STEAP2: variants seen among roughly 807,000 people sequenced by gnomAD.
STEAP2 encodes the protein STEAP2 metalloreductase, also known as metalloreductase STEAP2.
A neutral mutation model predicts 46.4 loss-of-function variants in STEAP2; 30 were observed. The ratio of observed to expected loss-of-function variants is 0.65; its 90% CI spans 0.48 to 0.88. The LOEUF is 0.88. Among genes scored for constraint, STEAP2 ranks in the 40% least tolerant of loss-of-function variants. The pLI is 0.00. For synonymous variants in STEAP2, 180 were observed against 200.5 expected (o/e 0.90, Z 0.86); for missense variants, 513 against 579.3 (o/e 0.89, Z 1.18).
Position 90,232,436 on chromosome 7 carries a change from C to G in STEAP2, c.1285C>G (p.Pro429Ala). Residue 429 changes from proline to alanine, a missense_variant, in exon 6 of 6, where the codon CCA becomes GCA. Transcript: ENST00000394621. ...GGAAGAGTACTACAGATTTTATACA[C>G]CACCAAACTTTGTTCTTGCTCTTGT... ...FEEEYYRFYTPPNFVLALVLP... is the reference protein window; with the variant it reads ...FEEEYYRFYTAPNFVLALVLP... 6.2e-7 allele frequency: 1 copy of G among 1,613,730 alleles called. No homozygotes were observed. Among genetic ancestry groups the G allele is most frequent in the Non-Finnish European group, 8.5e-7 (1 of 1,179,740 alleles).
downstream of STEAP2, among the ~76,000 whole-genome samples, chr7:90,240,291 AAAATT>A (rs936907667): frequency 7.9e-5 from 12 of 152,258 alleles, no homozygotes; most frequent in Non-Finnish European, 1.3e-4. This position sits in a 1 kb window ranked among gnomAD's most constrained non-coding sequence, Gnocchi z 4.1. Context: ...AAAAAAAAAA[AAAATT>A]AAGTATAATA....
Position 90,230,032 on chromosome 7 carries a change from T to C in STEAP2, c.1181T>C (p.Ile394Thr). Reference sequence around the variant, plus strand: ...TTAAACTGGAGAGAATTCAGTTTTATTCAGGTATGTGGGGTTTTGTTTGGT... The same window carrying C: ...TTAAACTGGAGAGAATTCAGTTTTACTCAGGTATGTGGGGTTTTGTTTGGT... ...NALNWREFSF[I>T]QSTLGYVALL... Residue 394 changes from isoleucine to threonine, a missense_variant, in exon 5 of 6, where the codon ATT becomes ACT. Ile to Thr is a moderately conservative substitution (Grantham distance 89, BLOSUM62 -1). Coordinates refer to ENST00000394621, the MANE Select transcript of STEAP2 (RefSeq NM_001244944.2). 1 of 1,612,610 alleles carries C rather than the reference T, an allele frequency of 6.2e-7. No individual in the cohort carries two copies. The highest frequency in any genetic ancestry group is 8.5e-7 in the Non-Finnish European group (1 of 1,179,162).
chr7:90,240,612 AAGTC>A (rs1227073014), downstream of STEAP2, among the ~76,000 whole-genome samples: 10 of 152,276 alleles, frequency 6.6e-5, no homozygotes, highest in African/African-American at 1.4e-4. This position sits in a 1 kb window ranked among gnomAD's most constrained non-coding sequence, Gnocchi z 4.1. Context: ...AAACAAGAAA[AAGTC>A]AGAAGGAAAA....
chr7:90,225,620 T>G (rs1405153063), intron 3 of STEAP2, 46 bp downstream of exon 3: 1 of 1,508,870 alleles, frequency 6.6e-7, no homozygotes, highest in Non-Finnish European at 8.8e-7. Context: ...TATTTTGTAG[T>G]TAAACAACTA....
intron 5 of STEAP2, 52 bp from the exon 6 acceptor site, chr7:90,232,285 C>G: frequency 6.8e-7 from 1 of 1,477,266 alleles, no homozygotes; most frequent in Non-Finnish European, 9.0e-7. Context: ...TTATGAGTTT[C>G]AGTCATTTGT....
Position 90,225,230 on chromosome 7 carries a change from A to G in STEAP2, c.148A>G (p.Ile50Val). 6.2e-7 allele frequency: 1 copy of G among 1,614,068 alleles called. No homozygotes were observed. Among genetic ancestry groups the G allele is most frequent in the Non-Finnish European group, 8.5e-7 (1 of 1,179,976 alleles). The change falls in exon 3 of 6, where the codon ATT (isoleucine) becomes GTT (valine). Residue 50 changes from isoleucine (I) to valine (V), a missense_variant. Transcript: ENST00000394621. ...TGCCAAATCCTTGACCATTCGACTT[A>G]TTAGATGCGGCTATCATGTGGTCAT... ...DFAKSLTIRL[I>V]RCGYHVVIGS...
chr7:90,241,586 C>T (rs1392593770), downstream of STEAP2, among the ~76,000 whole-genome samples: 2 of 152,166 alleles, frequency 1.3e-5, no homozygotes, highest in African/African-American at 2.4e-5. Flanking sequence ...TATCCTTGGG[C>T]CTCACCCAGA....
chr7:90,233,199 CAAATT>C lies in STEAP2; in HGVS notation c.*579_*583del, dbSNP rs1795831095. The stretch of plus-strand genomic sequence containing the variant: ...AGCAATGTGATTATATGAAGAGACA[CAAATT>C]AAAAAGACAAATTAAACCTGAAATT... On this transcript the variant is annotated 3_prime_UTR_variant, in exon 6 of 6. Coordinates refer to ENST00000394621, the MANE Select transcript of STEAP2 (RefSeq NM_001244944.2). The C allele has an allele frequency of 4.1e-6, 4 of 969,036 alleles. No individual in the cohort carries two copies. The highest frequency in any genetic ancestry group is 4.9e-6 in the Non-Finnish European group (4 of 815,312). 60.0% of individuals were successfully genotyped at this position (969,036 alleles called of 1,614,324 possible).
chr7:90,226,232 A>G (rs1795485191), intron 3 of STEAP2, among the ~76,000 whole-genome samples: 2 of 152,220 alleles, frequency 1.3e-5, no homozygotes, highest in South Asian at 4.1e-4. Context: ...AATTTTTAAC[A>G]GAAAAAAATG....
downstream of STEAP2, among the ~76,000 whole-genome samples, chr7:90,238,550 C>G (rs11563558): frequency 0.069 from 10,556 of 152,178 alleles, 421 homozygotes; most frequent in Middle Eastern, 0.099. Context: ...ATGAAAATAT[C>G]CTCAAAGACC....
At position 90,227,214 on chromosome 7, in the gene STEAP2, G is replaced by A; in HGVS notation, c.736G>A (p.Asp246Asn). 6 of 1,613,820 alleles carry A rather than the reference G, an allele frequency of 3.7e-6. No homozygotes were observed. The highest frequency in any genetic ancestry group is 1.1e-5 in the South Asian group (1 of 91,058). Residue 246 changes from aspartate to asparagine, a missense_variant, in exon 4 of 6, where the codon GAC (aspartate) becomes AAC (asparagine). Asp to Asn is a conservative substitution (Grantham distance 23, BLOSUM62 1). Transcript: ENST00000394621. ...TCCATATGCTAGAAACCAACAGAGT[G>A]ACTTTTACAAAATTCCTATAGAGAT... ...IHPYARNQQS[D>N]FYKIPIEIVN... is the part of the protein sequence containing the mutation.
chr7:90,218,923 G>A (rs896692893), intron 2 of STEAP2, among the ~76,000 whole-genome samples: 13 of 152,062 alleles, frequency 8.5e-5, no homozygotes, highest in Middle Eastern at 3.4e-3. Flanking sequence ...TTTTCCATTC[G>A]TTTATGTCAT....
chr7:90,233,479 T>C lies in STEAP2; in HGVS notation c.*855T>C. ...CACAAGTAATCTGCCAGCTGACCTT[T>C]GTCGCACCTTAACCAGTCACCACTT... is the stretch of plus-strand genomic sequence containing the variant. On this transcript the variant is annotated 3_prime_UTR_variant, in exon 6 of 6. Coordinates refer to ENST00000394621, the MANE Select transcript of STEAP2 (RefSeq NM_001244944.2). 1.0e-6 allele frequency: 1 copy of C among 985,458 alleles called. No individual in the cohort carries two copies. Among genetic ancestry groups the C allele is most frequent in the Middle Eastern group, 5.2e-4 (1 of 1,914 alleles). 61.0% of individuals were successfully genotyped at this position (985,458 alleles called of 1,614,324 possible). A position where few individuals can be genotyped will look rare whatever the true frequency, so the allele number is the denominator to read the frequency against.
Position 90,227,138 on chromosome 7 carries a change from A to G in STEAP2, c.660A>G (p.Ile220Met). ...GGAGAGGGCCAGTGGTGGTAGCTAT[A>G]AGCTTGGCCACATTTTTTTTCCTTT... ...TLWRGPVVVA[I>M]SLATFFFLYS... The change falls in exon 4 of 6, where the codon ATA becomes ATG. Residue 220 changes from isoleucine (I) to methionine (M), a missense_variant. Physicochemically the swap from Ile to Met is conservative, Grantham distance 10 (BLOSUM62 1). Coordinates refer to ENST00000394621, the MANE Select transcript of STEAP2 (RefSeq NM_001244944.2). The G allele has an allele frequency of 6.2e-7, 1 of 1,613,748 alleles. No homozygotes were observed. Among genetic ancestry groups the G allele is most frequent in the African/African-American group, 1.3e-5 (1 of 74,990 alleles).
intron 2 of STEAP2, 38 bp from the exon 3 acceptor site, chr7:90,225,012 A>T: frequency 3.3e-6 from 5 of 1,525,770 alleles, no homozygotes; most frequent in Non-Finnish European, 4.4e-6. Flanking sequence ...ATGTTCAGTA[A>T]TAGGTAACTG....
Position 90,237,004 on chromosome 7 carries a change from T to A in STEAP2, c.*4380T>A, listed in dbSNP as rs981110035. On this transcript the variant is annotated 3_prime_UTR_variant, in exon 6 of 6. Transcript: ENST00000394621. ...TTACATTCCTCAGCTGTCCTTGCAGTTAGGTGTACATGTGACTGAGTGTTG... is the reference window on the plus strand; with the variant it reads ...TTACATTCCTCAGCTGTCCTTGCAGATAGGTGTACATGTGACTGAGTGTTG... The A allele has an allele frequency of 1.3e-6, 2 of 1,597,474 alleles. No homozygotes were observed. The highest frequency in any genetic ancestry group is 2.7e-5 in the African/African-American group (2 of 74,528).
intron 2 of STEAP2, among the ~76,000 whole-genome samples, chr7:90,219,964 C>A (rs1489073289): frequency 6.6e-6 from 1 of 152,172 alleles, no homozygotes; most frequent in African/African-American, 2.4e-5. Flanking sequence ...TGGCTTCAAT[C>A]CATCCTCCTG....
At chr7:90,217,954 T>C (rs1351808699) in intron 2 of STEAP2, among the ~76,000 whole-genome samples, 1 of 152,188 alleles carries the variant, frequency 6.6e-6, no homozygotes, top group Non-Finnish European at 1.5e-5. Flanking sequence ...CTTTTAATAA[T>C]AGCAGTTCTA....
chr7:90,225,352 T>C lies in STEAP2; in HGVS notation c.270T>C (p.Phe90=). 1.2e-6 allele frequency: 2 copies of C among 1,613,958 alleles called. No homozygotes were observed. Among genetic ancestry groups the C allele is most frequent in the Non-Finnish European group, 1.7e-6 (2 of 1,179,938 alleles). The change falls in exon 3 of 6, where the codon TTT becomes TTC. Residue 90 remains phenylalanine, a synonymous_variant. Coordinates refer to ENST00000394621, the MANE Select transcript of STEAP2 (RefSeq NM_001244944.2). ...EDALTKTNII[F]VAIHREHYTS... ...CTCTCACAAAAACAAATATAATATTTGTTGCTATACACAGAGAACATTATA... is the reference window on the plus strand; with the variant it reads ...CTCTCACAAAAACAAATATAATATTCGTTGCTATACACAGAGAACATTATA...
Sources: gnomAD v4.1 joint callset for allele counts (sites outside exome capture counted in the v4.1 genomes callset) on GRCh38, gnomAD v4.1.1 for gene constraint, Gnocchi (gnomAD v3.1) non-coding constraint, MANE v1.5 for transcripts, NCBI Gene and HGNC (gene_info 2026-07-23, HGNC 2026-07-21) for gene names.